PTPRD: variants seen among roughly 807,000 people sequenced by gnomAD.
PTPRD encodes the protein protein tyrosine phosphatase receptor type D.
In PTPRD, 34 loss-of-function variants were observed where a neutral mutation model predicts 214.5. The observed-to-expected ratio is 0.16, with a 90% confidence interval of 0.12 to 0.21. The LOEUF (loss-of-function observed/expected upper bound fraction) is 0.21, where lower values mean the gene tolerates loss of function less well. Ranked by LOEUF, PTPRD falls within the 10% of genes least tolerant of loss-of-function variation. PTPRD has a pLI of 1.00. For synonymous variants in PTPRD, 1,128 were observed against 845.7 expected (o/e 1.33, Z -5.79); for missense variants, 2,545 against 2,398.7 (o/e 1.06, Z -1.27).
intron 9 of PTPRD, among the ~76,000 whole-genome samples, chr9:9,380,313 TTTC>T (rs1222424392): frequency 6.6e-6 from 1 of 152,104 alleles, no homozygotes; most frequent in Non-Finnish European, 1.5e-5. Flanking sequence ...TGTCTTGAGA[TTTC>T]TTCTTTGACC....
rs962602830 is a variant in PTPRD, at chr9:10,405,555, T to C, written c.-599-64538A>G. 6.6e-4 allele frequency among the ~76,000 whole-genome samples: 100 copies of C among 151,650 alleles called. 1 individual carries two copies. Among genetic ancestry groups the C allele is most frequent in the African/African-American group, 2.4e-3 (99 of 41,490 alleles). On this transcript the variant is annotated intron_variant, in intron 2 of 45. Transcript: ENST00000381196. ...ATAAAATAAAAGCAACTGATATAAA[T>C]AATTTTTATTCTGCTCTGACTGTCT...
intron 3 of PTPRD, among the ~76,000 whole-genome samples, chr9:10,271,544 C>T (rs374533019): frequency 0.078 from 3,034 of 38,802 alleles, 445 homozygotes; most frequent in Non-Finnish European, 0.17. Context: ...CTTTTCTTTT[C>T]TTTTCTTTTT....
intron 8 of PTPRD, among the ~76,000 whole-genome samples, chr9:9,574,097 T>G (rs963791504): frequency 5.9e-5 from 9 of 151,898 alleles, no homozygotes; most frequent in African/African-American, 1.9e-4. Context: ...GAAAATTAAT[T>G]TCATCAGTTT....
intron 11 of PTPRD, among the ~76,000 whole-genome samples, chr9:9,007,085 T>C (rs898190455): frequency 9.2e-5 from 14 of 152,084 alleles, no homozygotes; most frequent in Admixed American, 3.3e-4. Flanking sequence ...AATTATAAAA[T>C]TAAAATACTG....
intron 5 of PTPRD, among the ~76,000 whole-genome samples, chr9:9,825,850 A>C (rs1025875960): frequency 6.6e-6 from 1 of 151,618 alleles, no homozygotes; most frequent in Non-Finnish European, 1.5e-5. Flanking sequence ...TCCTTTTATT[A>C]GTCAATTTAT....
intron 8 of PTPRD, among the ~76,000 whole-genome samples, chr9:9,438,070 G>C (rs2086044523): frequency 1.3e-5 from 2 of 152,068 alleles, no homozygotes; most frequent in African/African-American, 4.8e-5. Flanking sequence ...TTCCCTCTGT[G>C]TGCTTCTCTC....
chr9:8,374,096 A>G (rs2082479000), intron 39 of PTPRD, among the ~76,000 whole-genome samples: 1 of 149,376 alleles, frequency 6.7e-6, no homozygotes, highest in Non-Finnish European at 1.5e-5. Flanking sequence ...TATTTTAAAC[A>G]TATAATTACA....
chr9:9,821,122 C>T (rs752883886), intron 5 of PTPRD, among the ~76,000 whole-genome samples: 1 of 151,846 alleles, frequency 6.6e-6, no homozygotes, highest in Non-Finnish European at 1.5e-5. Context: ...AAATTTTTTC[C>T]CATTTGTGTC....
chr9:10,205,129 CAGG>C (rs1166446194), intron 3 of PTPRD, among the ~76,000 whole-genome samples: 1 of 151,994 alleles, frequency 6.6e-6, no homozygotes, highest in Non-Finnish European at 1.5e-5. Flanking sequence ...TATAAATTCT[CAGG>C]AGAATTAACT....
chr9:8,940,858 T>TGATGATGATGAC (rs200583946), intron 11 of PTPRD, among the ~76,000 whole-genome samples: 1 of 151,550 alleles, frequency 6.6e-6, no homozygotes, highest in Non-Finnish European at 1.5e-5. Context: ...ATGATGATGA[T>TGATGATGATGAC]GTTCACAAGG....
At chr9:8,452,835 G>T (rs754730336) in intron 33 of PTPRD, among the ~76,000 whole-genome samples, 50 of 151,924 alleles carry the variant, frequency 3.3e-4, no homozygotes, top group Non-Finnish European at 6.3e-4. Flanking sequence ...TCATCTGGGG[G>T]GAAGAAAAAA....
At chr9:9,775,093 G>T (rs1442522506) in intron 5 of PTPRD, among the ~76,000 whole-genome samples, 1 of 152,104 alleles carries the variant, frequency 6.6e-6, no homozygotes, top group South Asian at 2.1e-4. Flanking sequence ...TTGGAGAGTC[G>T]AATGCTCCAT....
chr9:10,180,384 T>C (rs868827901), intron 3 of PTPRD, among the ~76,000 whole-genome samples: 1 of 151,976 alleles, frequency 6.6e-6, no homozygotes, highest in South Asian at 2.1e-4. Flanking sequence ...CCTCCTTTCC[T>C]ACTACTCTTC....
chr9:9,354,943 T>C (rs909927758), intron 9 of PTPRD, among the ~76,000 whole-genome samples: 2 of 151,608 alleles, frequency 1.3e-5, no homozygotes, highest in South Asian at 2.1e-4. Context: ...AGGAGGAAAA[T>C]GTGACAGTAG....
At chr9:9,114,393 G>A (rs893870694) in intron 10 of PTPRD, among the ~76,000 whole-genome samples, 4 of 152,088 alleles carry the variant, frequency 2.6e-5, no homozygotes, top group East Asian at 1.9e-4. Flanking sequence ...CCTTACACTC[G>A]GAAAATCCTA....
At chr9:8,437,190 A>T (rs1345597195) in intron 34 of PTPRD, 1 of 1,525,762 alleles carries the variant, frequency 6.6e-7, no homozygotes, top group Non-Finnish European at 8.8e-7. Flanking sequence ...TAATCAAGGA[A>T]AACTAACTTG....
rs183322478 is a variant in PTPRD, at chr9:8,586,241, G to A, written c.352+47076C>T. Among the ~76,000 whole-genome samples the A allele has an allele frequency of 2.9e-4, 42 of 144,544 alleles. 2 individuals are homozygous for A. The highest frequency in any genetic ancestry group is 9.9e-4 in the African/African-American group (36 of 36,216). The allele number at this position is 144,544 out of a possible 152,430, so 94.8% of individuals were successfully genotyped here. The stretch of plus-strand genomic sequence containing the variant: ...CTAGAACCCGGGAGGTGGAAGTTGC[G>A]GTGAGCTGAGATTGCACCAATGCAC... On this transcript the variant is annotated intron_variant, in intron 14 of 45. Transcript: ENST00000381196.
intron 7 of PTPRD, among the ~76,000 whole-genome samples, chr9:9,635,264 T>C (rs74781671): frequency 0.014 from 2,141 of 152,322 alleles, 46 homozygotes; most frequent in African/African-American, 0.049. Flanking sequence ...ATTGAGAGCA[T>C]ACTGTGTGTT....
chr9:9,335,151 T>C (rs1168443443), intron 9 of PTPRD, among the ~76,000 whole-genome samples: 1 of 152,164 alleles, frequency 6.6e-6, no homozygotes, highest in African/African-American at 2.4e-5. Flanking sequence ...ATATTCCGTG[T>C]TAGCTTTGCT....
Sources: allele counts gnomAD v4.1 joint callset (sites outside exome capture counted in the v4.1 genomes callset), GRCh38; gene constraint gnomAD v4.1.1; transcripts MANE v1.5; gene names NCBI Gene and HGNC (gene_info 2026-07-23, HGNC 2026-07-21).